Variants in BRPF1 observed in about 807,000 individuals in gnomAD.
BRPF1 encodes bromodomain and PHD finger containing 1, also known as peregrin.
In BRPF1, 15 loss-of-function variants were observed where a neutral mutation model predicts 115.0. The ratio of observed to expected loss-of-function variants is 0.13; its 90% CI spans 0.09 to 0.20. The LOEUF is 0.20. Ranked by LOEUF, BRPF1 falls within the 10% of genes least tolerant of loss-of-function variation. The pLI is 1.00. For missense variants in BRPF1, 1,118 were observed against 1,638.3 expected, an observed-to-expected ratio of 0.68 and a Z score of 5.48; for synonymous variants, 647 against 619.8, an observed-to-expected ratio of 1.04 and a Z score of -0.65.
intron 1 of BRPF1, among the ~76,000 whole-genome samples, chr3:9,733,713 A>G (rs1353203344): frequency 1.3e-5 from 2 of 152,222 alleles, no homozygotes; most frequent in African/African-American, 4.8e-5. Flanking sequence ...CCCTGTGTAG[A>G]CAAAAACAGC....
Position 9,740,904 on chromosome 3 carries a change from C to T in BRPF1, c.1685C>T (p.Thr562Ile). The change falls in exon 4 of 14, where the codon ACA (threonine) becomes ATA (isoleucine). Residue 562 changes from threonine to isoleucine, a missense_variant. Transcript: ENST00000383829. ...NGVPLLRRLQ[T>I]HLQSQRNCDQ... The stretch of plus-strand genomic sequence containing the variant: ...GTCCCATTGCTACGTCGCCTGCAGA[C>T]ACACCTGCAATCTCAGAGGAACTGT... 6.2e-7 allele frequency: 1 copy of T among 1,613,688 alleles called. No individual in the cohort carries two copies. The highest frequency in any genetic ancestry group is 8.5e-7 in the Non-Finnish European group (1 of 1,180,038).
At chr3:9,741,685 C>G (rs1402594748) in intron 5 of BRPF1, among the ~76,000 whole-genome samples, 2 of 151,812 alleles carry the variant, frequency 1.3e-5, no homozygotes, top group African/African-American at 4.8e-5. Flanking sequence ...GCGTGTGTAC[C>G]CCAGCCAGAT....
In BRPF1 at chr3:9,747,718, C is replaced by G. The variant is rs1239295586; in HGVS notation, c.*369C>G. ...ATAACTGCCTAGAGGCCTGGGGCCC[C>G]TACCGGTCGTGAGGTGAGTGGGCAT... On this transcript the variant is annotated 3_prime_UTR_variant, in exon 14 of 14. Coordinates refer to ENST00000383829, the MANE Select transcript of BRPF1 (RefSeq NM_001003694.2). This position sits in a 1 kb window ranked among gnomAD's most constrained non-coding sequence, Gnocchi z 5.6. 1.1e-5 allele frequency: 2 copies of G among 187,778 alleles called. No individual in the cohort carries two copies. The highest frequency in any genetic ancestry group is 1.1e-4 in the Admixed American group (2 of 18,404). 11.6% of individuals were successfully genotyped at this position (187,778 alleles called of 1,614,324 possible). A position where few individuals can be genotyped will look rare whatever the true frequency, so the allele number is the denominator to read the frequency against.
At chr3:9,740,528 A>G (rs1308216912) in intron 3 of BRPF1, among the ~76,000 whole-genome samples, 1 of 152,214 alleles carries the variant, frequency 6.6e-6, no homozygotes, top group Non-Finnish European at 1.5e-5. Flanking sequence ...TCTTAGGGGC[A>G]GAAGTCCCTG....
In BRPF1 at chr3:9,745,051, G is replaced by A; in HGVS notation, c.2964G>A (p.Lys988=). The stretch of plus-strand genomic sequence containing the variant: ...TCAGCGGTGGAAACCAACCAGTGAA[G>A]AAGAGTTTCTTGGTATACCGTAATG... The part of the protein sequence containing the change: ...NGFSGGNQPV[K]KSFLVYRNDC... The change falls in exon 10 of 14, where the codon AAG becomes AAA. Residue 988 remains lysine, a synonymous_variant. Coordinates refer to ENST00000383829, the MANE Select transcript of BRPF1 (RefSeq NM_001003694.2). The surrounding 1 kb of genome is among the most constrained non-coding windows in gnomAD (Gnocchi z 5.1). 6.2e-7 allele frequency: 1 copy of A among 1,614,250 alleles called. No individual in the cohort carries two copies. The highest frequency in any genetic ancestry group is 8.5e-7 in the Non-Finnish European group (1 of 1,180,044).
Position 9,734,001 on chromosome 3 carries a change from C to T in BRPF1, c.-10-130C>T. The T allele has an allele frequency of 6.9e-7, 1 of 1,441,944 alleles. No individual in the cohort carries two copies. Among genetic ancestry groups the T allele is most frequent in the East Asian group, 2.3e-5 (1 of 43,298 alleles). 89.3% of individuals were successfully genotyped at this position (1,441,944 alleles called of 1,614,324 possible). On this transcript the variant is annotated intron_variant, in intron 1 of 13. Coordinates refer to ENST00000383829, the MANE Select transcript of BRPF1 (RefSeq NM_001003694.2). The surrounding 1 kb of genome is among the most constrained non-coding windows in gnomAD (Gnocchi z 5.7). ...TGGTGGAGGAGATGGCATTTGGAGA[C>T]ACTGTAGAGGTAGGCTGGCCAGAAT...
Position 9,743,692 on chromosome 3 carries a change from T to C in BRPF1, c.2426T>C (p.Val809Ala). Reference sequence around the variant, plus strand: ...GAAGTGAATGCCAGCAAGCAGAGTGTGGGCCGCTCACGGCGTGCAAAGATG... The same window carrying C: ...GAAGTGAATGCCAGCAAGCAGAGTGCGGGCCGCTCACGGCGTGCAAAGATG... ...LDEVNASKQSVGRSRRAKMIK... is the reference protein window; with the variant it reads ...LDEVNASKQSAGRSRRAKMIK... The change falls in exon 8 of 14, where the codon GTG (valine) becomes GCG (alanine). Residue 809 changes from valine (V) to alanine (A), a missense_variant. By Grantham distance (64) the Val-to-Ala change is moderately conservative. This residue lies in a region of BRPF1 where 223 missense variants were observed against 240.7 expected (regional missense o/e 0.93). Coordinates refer to ENST00000383829, the MANE Select transcript of BRPF1 (RefSeq NM_001003694.2). This position sits in a 1 kb window ranked among gnomAD's most constrained non-coding sequence, Gnocchi z 6.1. 3.1e-6 allele frequency: 5 copies of C among 1,614,162 alleles called. No homozygotes were observed. Among genetic ancestry groups the C allele is most frequent in the Non-Finnish European group, 4.2e-6 (5 of 1,180,036 alleles).
intron 1 of BRPF1, among the ~76,000 whole-genome samples, chr3:9,732,880 T>C (rs1031282682): frequency 2.0e-5 from 3 of 152,130 alleles, no homozygotes; most frequent in Non-Finnish European, 2.9e-5. Flanking sequence ...AGCTGAATGG[T>C]TGAACTCAAC....
intron 8 of BRPF1, 93 bp from the exon 9 acceptor site, chr3:9,744,131 A>G: frequency 1.4e-6 from 2 of 1,411,554 alleles, no homozygotes; most frequent in Non-Finnish European, 1.9e-6. Flanking sequence ...TAGCTGGAGT[A>G]ATGGTCCTAT....
intron 9 of BRPF1, among the ~76,000 whole-genome samples, chr3:9,744,795 A>G (rs2077094617): frequency 6.6e-6 from 1 of 152,162 alleles, no homozygotes; most frequent in African/African-American, 2.4e-5. Flanking sequence ...TTTGTGTCCT[A>G]AAGCCAGTAA....
In BRPF1 at chr3:9,747,055, C is replaced by A; in HGVS notation, c.3480-111C>A. On this transcript the variant is annotated intron_variant, in intron 13 of 13. Transcript: ENST00000383829. The surrounding 1 kb of genome is among the most constrained non-coding windows in gnomAD (Gnocchi z 5.6). ...AGTCCTTTGAGGGCAGGGACCATCA[C>A]AGAGTCTGGCCAGAGTGGGTGCTTG... The A allele has an allele frequency of 1.7e-6, 2 of 1,199,214 alleles. No homozygotes were observed. The highest frequency in any genetic ancestry group is 2.4e-6 in the Non-Finnish European group (2 of 824,290). 74.3% of individuals were successfully genotyped at this position (1,199,214 alleles called of 1,614,324 possible).
intron 6 of BRPF1, 146 bp from the exon 7 acceptor site, chr3:9,742,798 C>A: frequency 2.1e-6 from 2 of 957,332 alleles, no homozygotes; most frequent in Non-Finnish European, 3.0e-6. Context: ...CAGAATCCAG[C>A]TTTCCTTTCC....
In BRPF1 at chr3:9,734,152, C is replaced by T. The variant is rs1673270802; in HGVS notation, c.12C>T (p.Asp4=). The change falls in exon 2 of 14, where the codon GAC becomes GAT. Residue 4 remains aspartate, a synonymous_variant. Coordinates refer to ENST00000383829, the MANE Select transcript of BRPF1 (RefSeq NM_001003694.2). The surrounding 1 kb of genome is among the most constrained non-coding windows in gnomAD (Gnocchi z 5.7). ...CTAGATGTGACAGCATGGGGGTGGA[C>T]TTTGATGTGAAGACTTTCTGCCACA... MGV[D]FDVKTFCHNL... 1.2e-6 allele frequency: 2 copies of T among 1,606,834 alleles called. No individual in the cohort carries two copies. The highest frequency in any genetic ancestry group is 2.2e-5 in the South Asian group (2 of 90,344).
In BRPF1 at chr3:9,737,374, C is replaced by T. The variant is rs139274932; in HGVS notation, c.600-1625C>T. On this transcript the variant is annotated intron_variant, in intron 2 of 13. Coordinates refer to ENST00000383829, the MANE Select transcript of BRPF1 (RefSeq NM_001003694.2). ...ACATTTATTGAGTGCTTGCTGCACA[C>T]CAGGCACTGTCCTAAGCACTTTACC... Among the ~76,000 whole-genome samples the T allele has an allele frequency of 1.7e-3, 255 of 152,326 alleles. 1 individual carries two copies. Among genetic ancestry groups the T allele is most frequent in the Non-Finnish European group, 2.9e-3 (197 of 68,030 alleles).
chr3:9,737,776 T>C (rs531013589), intron 2 of BRPF1, among the ~76,000 whole-genome samples: 7 of 152,350 alleles, frequency 4.6e-5, no homozygotes, highest in African/African-American at 1.7e-4. Flanking sequence ...CACACTTCCT[T>C]CCATGGGCCT....
intron 2 of BRPF1, among the ~76,000 whole-genome samples, chr3:9,737,928 TATC>T (rs2076968812): frequency 6.6e-6 from 1 of 152,220 alleles, no homozygotes; most frequent in African/African-American, 2.4e-5. Context: ...TGGGTAGTAT[TATC>T]CTCGTTCTGT....
rs748786588 is a variant in BRPF1, at chr3:9,744,436, C to T, written c.2848C>T (p.Arg950Trp). 3.7e-6 allele frequency: 6 copies of T among 1,609,396 alleles called. No individual in the cohort carries two copies. The highest frequency in any genetic ancestry group is 5.1e-6 in the Non-Finnish European group (6 of 1,177,894). ...CATGAGTTCCCTGCGTCAGCGCAAG[C>T]GGGGTAGGAGCCCCCGGCCCAGTTC... ...PIMSSLRQRK[R>W]GRSPRPSSSS... is the part of the protein sequence containing the mutation. Residue 950 changes from arginine to tryptophan, a missense_variant, in exon 9 of 14, where the codon CGG becomes TGG. Coordinates refer to ENST00000383829, the MANE Select transcript of BRPF1 (RefSeq NM_001003694.2).
In BRPF1 at chr3:9,743,081, T is replaced by C; in HGVS notation, c.2139T>C (p.Tyr713=). The C allele has an allele frequency of 6.2e-7, 1 of 1,614,250 alleles. No homozygotes were observed. The part of the protein sequence containing the change: ...FNLIVSNCLK[Y]NAKDTIFYRA... ...TCATCGTCAGCAACTGCCTCAAGTA[T>C]AACGCCAAGGACACCATCTTCTACC... Residue 713 remains tyrosine, a synonymous_variant, in exon 7 of 14, where the codon TAT becomes TAC. Coordinates refer to ENST00000383829, the MANE Select transcript of BRPF1 (RefSeq NM_001003694.2). This position sits in a 1 kb window ranked among gnomAD's most constrained non-coding sequence, Gnocchi z 6.1.
At position 9,734,550 on chromosome 3, in the gene BRPF1, A is replaced by G. The variant is rs772807999; in HGVS notation, c.410A>G (p.Glu137Gly). The change falls in exon 2 of 14, where the codon GAG (glutamate) becomes GGG (glycine). Residue 137 changes from glutamate (E) to glycine (G), a missense_variant. Transcript: ENST00000383829. The surrounding 1 kb of genome is among the most constrained non-coding windows in gnomAD (Gnocchi z 5.7). ...GCCCCTGAGAATGGCAGCAACAAGGAGAACACTGAGACACCAGCTGCTACT... is the reference window on the plus strand; with the variant it reads ...GCCCCTGAGAATGGCAGCAACAAGGGGAACACTGAGACACCAGCTGCTACT... ...EEAPENGSNK[E>G]NTETPAATPK... 3.1e-6 allele frequency: 5 copies of G among 1,614,168 alleles called. No individual in the cohort carries two copies. Among genetic ancestry groups the G allele is most frequent in the Middle Eastern group, 1.6e-4 (1 of 6,062 alleles).
Sources: gnomAD v4.1 joint callset for allele counts (sites outside exome capture counted in the v4.1 genomes callset) on GRCh38, gnomAD v4.1.1 for gene constraint, gnomAD v4.1.1 regional missense constraint, Gnocchi (gnomAD v3.1) non-coding constraint, MANE v1.5 for transcripts, NCBI Gene and HGNC (gene_info 2026-07-23, HGNC 2026-07-21) for gene names.